Variants in FRMD4A observed in about 807,000 individuals in gnomAD.
The protein encoded by FRMD4A is FERM domain-containing protein 4A.
A neutral mutation model predicts 129.1 loss-of-function variants in FRMD4A; 29 were observed. The observed-to-expected ratio is 0.22, with a 90% CI of 0.17 to 0.31. The LOEUF (loss-of-function observed/expected upper bound fraction) is 0.31, where lower values mean the gene tolerates loss of function less well. Among genes scored for constraint, FRMD4A ranks in the 10% least tolerant of loss-of-function variants. The pLI is 1.00. For missense variants in FRMD4A, 1,272 were observed against 1,375.8 expected (o/e 0.92, Z 1.19); for synonymous variants, 634 against 571.6 (o/e 1.11, Z -1.56).
At chr10:13,911,746 G>A (rs2094943094) in intron 2 of FRMD4A, among the ~76,000 whole-genome samples, 1 of 152,050 alleles carries the variant, frequency 6.6e-6, no homozygotes, top group Non-Finnish European at 1.5e-5. Flanking sequence ...TATTTTAGTA[G>A]GGACTGGGTT....
chr10:13,843,847 G>A (rs764080289), intron 3 of FRMD4A, among the ~76,000 whole-genome samples: 25 of 152,180 alleles, frequency 1.6e-4, no homozygotes, highest in Non-Finnish European at 2.9e-4. Context: ...TGCCTGGGCT[G>A]CTGGGGCATC....
intron 2 of FRMD4A, among the ~76,000 whole-genome samples, chr10:14,305,091 C>T (rs1415583658): frequency 6.6e-6 from 1 of 152,204 alleles, no homozygotes; most frequent in Non-Finnish European, 1.5e-5. Context: ...GAAACCAACT[C>T]AATACAGATA....
intron 2 of FRMD4A, among the ~76,000 whole-genome samples, chr10:14,021,968 T>C (rs1832779190): frequency 6.6e-6 from 1 of 152,176 alleles, no homozygotes; most frequent in South Asian, 2.1e-4. Context: ...TTGCATTTTA[T>C]TGCTCCCAGC....
At chr10:14,073,913 A>G (rs553373421) in intron 2 of FRMD4A, among the ~76,000 whole-genome samples, 1 of 152,262 alleles carries the variant, frequency 6.6e-6, no homozygotes, top group South Asian at 2.1e-4. Flanking sequence ...GGAGTTCAAG[A>G]CTAGACTGGG....
intron 2 of FRMD4A, among the ~76,000 whole-genome samples, chr10:13,904,230 G>A (rs948681655): frequency 2.0e-5 from 2 of 98,016 alleles, no homozygotes; most frequent in African/African-American, 8.3e-5. Flanking sequence ...TTTCCTGCTG[G>A]CGTTTCGCCT....
intron 2 of FRMD4A, among the ~76,000 whole-genome samples, chr10:13,896,528 G>A (rs1156794069): frequency 6.6e-6 from 1 of 152,110 alleles, no homozygotes; most frequent in East Asian, 1.9e-4. Context: ...AGGGTCTGAG[G>A]GGCAAGGGGA....
chr10:14,076,696 G>C (rs574340568), intron 2 of FRMD4A, among the ~76,000 whole-genome samples: 1 of 152,154 alleles, frequency 6.6e-6, no homozygotes, highest in Admixed American at 6.5e-5. Flanking sequence ...TTGGGGTGGG[G>C]GAAAGGGTCA....
intron 5 of FRMD4A, among the ~76,000 whole-genome samples, chr10:13,784,901 G>T (rs1026692743): frequency 6.7e-6 from 1 of 148,378 alleles, no homozygotes; most frequent in African/African-American, 2.5e-5. Flanking sequence ...TGAGGCAGAA[G>T]AATCGCTTGA....
At chr10:14,068,823 A>G (rs542775323) in intron 2 of FRMD4A, among the ~76,000 whole-genome samples, 1 of 152,082 alleles carries the variant, frequency 6.6e-6, no homozygotes, top group African/African-American at 2.4e-5. Context: ...AGTGAGATGA[A>G]GGAAGAAAGC....
intron 2 of FRMD4A, among the ~76,000 whole-genome samples, chr10:14,223,617 T>C (rs1236675851): frequency 2.0e-5 from 3 of 151,938 alleles, no homozygotes; most frequent in Non-Finnish European, 4.4e-5. Flanking sequence ...GGCACACAAC[T>C]GCAGTCCCAG....
chr10:13,822,951 A>G (rs1307796815), intron 3 of FRMD4A, among the ~76,000 whole-genome samples: 2 of 151,908 alleles, frequency 1.3e-5, no homozygotes, highest in Non-Finnish European at 2.9e-5. Context: ...CCTGGGAGCA[A>G]TGCTTTTAGT....
chr10:13,881,020 G>A (rs755061753), intron 2 of FRMD4A, among the ~76,000 whole-genome samples: 2 of 152,106 alleles, frequency 1.3e-5, no homozygotes, highest in Non-Finnish European at 2.9e-5. Flanking sequence ...TGTGTTGAAT[G>A]ATTGAATGGG....
At chr10:14,117,525 C>A (rs1255000309) in intron 2 of FRMD4A, among the ~76,000 whole-genome samples, 1 of 152,154 alleles carries the variant, frequency 6.6e-6, no homozygotes, top group Admixed American at 6.5e-5. Context: ...AATTTAGCAG[C>A]CTGCTTCATT....
At chr10:14,291,550 A>G (rs1294275145) in intron 2 of FRMD4A, among the ~76,000 whole-genome samples, 1 of 152,190 alleles carries the variant, frequency 6.6e-6, no homozygotes, top group Non-Finnish European at 1.5e-5. Context: ...GATAAATACC[A>G]TCTGATCATT....
chr10:14,045,622 A>G (rs537209305), intron 2 of FRMD4A, among the ~76,000 whole-genome samples: 1 of 147,578 alleles, frequency 6.8e-6, no homozygotes. Flanking sequence ...TATGTATAAG[A>G]TGATATACAA....
intron 4 of FRMD4A, among the ~76,000 whole-genome samples, chr10:13,797,452 T>A (rs750496254): frequency 1.3e-5 from 2 of 152,068 alleles, no homozygotes; most frequent in Non-Finnish European, 2.9e-5. Context: ...GACCAGCCCG[T>A]GCAAAGGCCC....
intron 12 of FRMD4A, among the ~76,000 whole-genome samples, chr10:13,714,998 C>T (rs1384736980): frequency 1.3e-5 from 2 of 151,948 alleles, no homozygotes; most frequent in African/African-American, 2.4e-5. Context: ...GAGATCATGC[C>T]ACTGCACTCC....
At chr10:14,298,462 GACACCCAT>G (rs1846080492) in intron 2 of FRMD4A, among the ~76,000 whole-genome samples, 6 of 152,164 alleles carry the variant, frequency 3.9e-5, no homozygotes, top group Non-Finnish European at 8.8e-5. Context: ...AACCAGGCAG[GACACCCAT>G]GCCCTGCCTG....
chr10:14,136,200 A>G (rs1030218841), intron 2 of FRMD4A, among the ~76,000 whole-genome samples: 14 of 152,192 alleles, frequency 9.2e-5, no homozygotes, highest in African/African-American at 3.4e-4. Flanking sequence ...TCGGGACCCC[A>G]TAATCAATAA....
Sources: allele counts gnomAD v4.1 joint callset (sites outside exome capture counted in the v4.1 genomes callset), GRCh38; gene constraint gnomAD v4.1.1; transcripts MANE v1.5; gene names NCBI Gene and HGNC (gene_info 2026-07-23, HGNC 2026-07-21).